The following SHOC1 variants were observed in gnomAD, a reference collection of about 807,000 sequenced individuals.
SHOC1 encodes shortage in chiasmata 1.
SHOC1 carries 136 observed loss-of-function variants against 179.2 expected under a neutral mutation model. The ratio of observed to expected loss-of-function variants is 0.76; its 90% confidence interval spans 0.66 to 0.87. The LOEUF (loss-of-function observed/expected upper bound fraction) is 0.87, where lower values mean the gene tolerates loss of function less well. Among genes scored for constraint, SHOC1 ranks in the 40% least tolerant of loss-of-function variants. SHOC1 has a pLI of 0.00. For missense variants in SHOC1, 1,538 were observed against 1,700.8 expected (o/e 0.90, Z 1.68); for synonymous variants, 489 against 586.6 (o/e 0.83, Z 2.41).
intron 1 of SHOC1, among the ~76,000 whole-genome samples, chr9:111,793,761 A>C (rs1019661176): frequency 6.6e-6 from 1 of 152,108 alleles, no homozygotes; most frequent in Non-Finnish European, 1.5e-5. Flanking sequence ...CTACTGGACC[A>C]AAATGGAAAT....
At chr9:111,752,842 A>G (rs1834658147) in intron 8 of SHOC1, among the ~76,000 whole-genome samples, 1 of 152,214 alleles carries the variant, frequency 6.6e-6, no homozygotes, top group Admixed American at 6.5e-5. Context: ...ATTAGAGGTG[A>G]CATAAGAGTC....
chr9:111,709,297 G>A (rs1221097858), intron 18 of SHOC1, among the ~76,000 whole-genome samples: 1 of 152,176 alleles, frequency 6.6e-6, no homozygotes, highest in East Asian at 1.9e-4. Context: ...AGCCGAGATC[G>A]TGCCATTGCA....
At chr9:111,787,296 A>C (rs1448636527) in intron 2 of SHOC1, among the ~76,000 whole-genome samples, 1 of 152,198 alleles carries the variant, frequency 6.6e-6, no homozygotes, top group Non-Finnish European at 1.5e-5. Flanking sequence ...GATTCCTCTG[A>C]TAGATCTAGG....
chr9:111,711,303 T>C (rs1249505588), intron 18 of SHOC1, among the ~76,000 whole-genome samples: 1 of 152,178 alleles, frequency 6.6e-6, no homozygotes, highest in Non-Finnish European at 1.5e-5. Flanking sequence ...CTGCTGGTCC[T>C]GGATGAAGCC....
At chr9:111,790,605 C>T (rs1000631209) in intron 2 of SHOC1, among the ~76,000 whole-genome samples, 10 of 149,464 alleles carry the variant, frequency 6.7e-5, no homozygotes, top group East Asian at 2.0e-4. Flanking sequence ...AGGGCAGTGG[C>T]GCAGTCTCGG....
At chr9:111,720,941 C>T (rs1160138744) in intron 15 of SHOC1, among the ~76,000 whole-genome samples, 1 of 152,214 alleles carries the variant, frequency 6.6e-6, no homozygotes, top group Non-Finnish European at 1.5e-5. Context: ...ATTGTACTCT[C>T]CTGCCTCTTT....
At chr9:111,724,988 T>C (rs1035820830) in intron 13 of SHOC1, among the ~76,000 whole-genome samples, 1 of 152,162 alleles carries the variant, frequency 6.6e-6, no homozygotes, top group African/African-American at 2.4e-5. Flanking sequence ...CTAAGTATTA[T>C]AGAGGATTTA....
chr9:111,713,079 G>A, intron 18 of SHOC1, 21 bp downstream of exon 18: 1 of 1,400,560 alleles, frequency 7.1e-7, no homozygotes, highest in Non-Finnish European at 1.0e-6. Flanking sequence ...ATCAAATGAA[G>A]CATAATTTAA....
chr9:111,727,783 G>A lies in SHOC1; in HGVS notation c.1684C>T (p.Pro562Ser), dbSNP rs976914249. 6.2e-7 allele frequency: 1 copy of A among 1,613,302 alleles called. No homozygotes were observed. Among genetic ancestry groups the A allele is most frequent in the Non-Finnish European group, 8.5e-7 (1 of 1,179,646 alleles). Residue 562 changes from proline to serine, a missense_variant, in exon 13 of 28, where the codon CCT becomes TCT. Pro to Ser is a moderately conservative substitution (Grantham distance 74, BLOSUM62 -1). Transcript: ENST00000682961. ...LDCTGPSIKS[P>S]SSSIIKKASF... ...GCTTTTTTAATTATTGAAGAGGAAGGTGATTTAATAGATGGTCCTGTGCAG... is the reference window on the plus strand; with the variant it reads ...GCTTTTTTAATTATTGAAGAGGAAGATGATTTAATAGATGGTCCTGTGCAG...
intron 19 of SHOC1, 75 bp downstream of exon 19, chr9:111,707,780 A>T: frequency 1.0e-6 from 1 of 968,912 alleles, no homozygotes; most frequent in Non-Finnish European, 1.6e-6. Flanking sequence ...TTTTAAAGTT[A>T]ACTTCTAGGA....
At chr9:111,729,718 C>A (rs1377437483) in intron 12 of SHOC1, among the ~76,000 whole-genome samples, 1 of 151,870 alleles carries the variant, frequency 6.6e-6, no homozygotes, top group Non-Finnish European at 1.5e-5. Flanking sequence ...CATGGTGAAA[C>A]CCATCTCTAC....
intron 5 of SHOC1, among the ~76,000 whole-genome samples, chr9:111,764,872 G>A (rs1379130443): frequency 6.6e-6 from 1 of 152,174 alleles, no homozygotes; most frequent in Non-Finnish European, 1.5e-5. Flanking sequence ...CATGCACGGT[G>A]GCTCACGCCT....
chr9:111,689,562 TAAAC>T (rs1831334766), intron 27 of SHOC1, among the ~76,000 whole-genome samples: 1 of 151,606 alleles, frequency 6.6e-6, no homozygotes, highest in African/African-American at 2.4e-5. Context: ...TGTTGTATCT[TAAAC>T]AATGTATTTG....
At position 111,691,700 on chromosome 9, in the gene SHOC1, G is replaced by A. The variant is rs1340551249; in HGVS notation, c.4277C>T (p.Pro1426Leu). 6.2e-7 allele frequency: 1 copy of A among 1,613,918 alleles called. No homozygotes were observed. Residue 1426 changes from proline to leucine, a missense_variant, in exon 27 of 28, where the codon CCC (proline) becomes CTC (leucine). By Grantham distance (98) the Pro-to-Leu change is moderately conservative. Transcript: ENST00000682961. ...ETFWRELPSV[P>L]SLDLFRASDS... is the part of the protein sequence containing the mutation. ...AGAAGCACGAAATAAATCCAAACTG[G>A]GGACAGATGGTAATTCTCTCCAGAA...
At chr9:111,743,999 C>T (rs1325735136) in intron 10 of SHOC1, among the ~76,000 whole-genome samples, 1 of 152,034 alleles carries the variant, frequency 6.6e-6, no homozygotes, top group Non-Finnish European at 1.5e-5. Context: ...CTAACTTTGC[C>T]AAATCGTAAG....
chr9:111,736,643 A>G (rs985566820), intron 12 of SHOC1, among the ~76,000 whole-genome samples: 1 of 152,230 alleles, frequency 6.6e-6, no homozygotes, highest in African/African-American at 2.4e-5. Flanking sequence ...ACCATTCTGG[A>G]CATCAGTCTT....
intron 16 of SHOC1, among the ~76,000 whole-genome samples, chr9:111,715,403 C>T (rs946494278): frequency 1.8e-4 from 28 of 152,274 alleles, no homozygotes; most frequent in African/African-American, 6.7e-4. Flanking sequence ...CATATTAATT[C>T]TATTTTTATA....
chr9:111,702,187 T>C lies in SHOC1; in HGVS notation c.3007A>G (p.Ile1003Val), dbSNP rs770730012. Residue 1003 changes from isoleucine to valine, a missense_variant, in exon 23 of 28, where the codon ATC becomes GTC. Transcript: ENST00000682961. The stretch of plus-strand genomic sequence containing the variant: ...GATAATGCCATCAGCCTCATAATGA[T>C]ATTGTCTGATGCCTTCTCATAATTC... ...ELNYEKASDNIIMRLMALSLQ... is the reference protein window; with the variant it reads ...ELNYEKASDNVIMRLMALSLQ... The C allele has an allele frequency of 6.8e-7, 1 of 1,477,086 alleles. No homozygotes were observed. The highest frequency in any genetic ancestry group is 9.4e-7 in the Non-Finnish European group (1 of 1,058,812). The allele number at this position is 1,477,086 out of a possible 1,614,324, so 91.5% of individuals were successfully genotyped here.
In SHOC1 at chr9:111,758,138, C is replaced by T. The variant is rs1834952746; in HGVS notation, c.654G>A (p.Met218Ile). The change falls in exon 7 of 28, where the codon ATG becomes ATA. Residue 218 changes from methionine to isoleucine, a missense_variant. Physicochemically the swap from Met to Ile is conservative, Grantham distance 10. Transcript: ENST00000682961. The stretch of plus-strand genomic sequence containing the variant: ...TCTCTTGACAAAAGTTCACTTTATC[C>T]ATACAAAAATCTTCTTTCACAAAAG... ...LEAFVKEDFC[M>I]DKVNFCQEKL... The T allele has an allele frequency of 6.3e-7, 1 of 1,589,246 alleles. No homozygotes were observed. The highest frequency in any genetic ancestry group is 1.4e-5 in the African/African-American group (1 of 74,004).
Sources: gnomAD v4.1 joint callset for allele counts (sites outside exome capture counted in the v4.1 genomes callset) on GRCh38, gnomAD v4.1.1 for gene constraint, MANE v1.5 for transcripts, NCBI Gene and HGNC (gene_info 2026-07-23, HGNC 2026-07-21) for gene names.